Variants in ZFAND3 observed in about 807,000 individuals in gnomAD.
The protein encoded by ZFAND3 is AN1-type zinc finger protein 3.
In ZFAND3, 10 loss-of-function variants were observed where a neutral mutation model predicts 29.6. That is an observed-to-expected ratio of 0.34 (90% CI 0.21 to 0.57). The LOEUF (loss-of-function observed/expected upper bound fraction) is 0.57, where lower values mean the gene tolerates loss of function less well. ZFAND3 is among the 20% of genes least tolerant of loss of function. The probability of loss-of-function intolerance (pLI) is 0.86; values close to 1 mark genes in which losing one functional copy is unlikely to be tolerated. For missense variants in ZFAND3, 230 were observed against 304.5 expected (o/e 0.76, Z 1.82); for synonymous variants, 128 against 112.6 (o/e 1.14, Z -0.87).
At chr6:37,974,936 A>G (rs1762454819) in intron 2 of ZFAND3, among the ~76,000 whole-genome samples, 1 of 152,196 alleles carries the variant, frequency 6.6e-6, no homozygotes, top group African/African-American at 2.4e-5. Flanking sequence ...GATGTGTGCC[A>G]CTATGTCTGG....
At chr6:38,041,672 TCTTCTTCTTCTTCTCCTTCTC>T (rs1763770407) in intron 2 of ZFAND3, among the ~76,000 whole-genome samples, 2 of 22,312 alleles carry the variant, frequency 9.0e-5, no homozygotes, top group African/African-American at 1.7e-4. Context: ...TTCTTCTTCT[TCTTCTTCTTCTTCTCCTTCTC>T]CTTCTCCTCC....
At chr6:37,995,350 A>C (rs1379946507) in intron 2 of ZFAND3, among the ~76,000 whole-genome samples, 3 of 152,216 alleles carry the variant, frequency 2.0e-5, no homozygotes, top group African/African-American at 7.2e-5. Context: ...CTAAATTCTC[A>C]ACCTGAGTTG....
chr6:37,988,475 G>A (rs565019601), intron 2 of ZFAND3, among the ~76,000 whole-genome samples: 9 of 152,086 alleles, frequency 5.9e-5, no homozygotes, highest in South Asian at 2.1e-4. Flanking sequence ...TTTGTATCTC[G>A]CAATTCCTGA....
At chr6:37,830,844 T>A (rs1385619474) in intron 1 of ZFAND3, among the ~76,000 whole-genome samples, 4 of 152,232 alleles carry the variant, frequency 2.6e-5, no homozygotes, top group African/African-American at 7.2e-5. Context: ...CCTTCTTTTT[T>A]AAAAGATTTT....
intron 5 of ZFAND3, among the ~76,000 whole-genome samples, chr6:38,130,823 TC>T (rs1765728052): frequency 6.6e-6 from 1 of 152,230 alleles, no homozygotes; most frequent in East Asian, 1.9e-4. Flanking sequence ...GATACTGGCT[TC>T]ATAGAATGAT....
At chr6:37,985,098 G>A (rs1762643760) in intron 2 of ZFAND3, among the ~76,000 whole-genome samples, 2 of 152,166 alleles carry the variant, frequency 1.3e-5, no homozygotes, top group Non-Finnish European at 2.9e-5. Context: ...TAGGCAATGA[G>A]TGTTTATTGA....
chr6:37,856,480 C>T (rs1308982631), intron 1 of ZFAND3, among the ~76,000 whole-genome samples: 1 of 152,184 alleles, frequency 6.6e-6, no homozygotes, highest in Non-Finnish European at 1.5e-5. Context: ...TCAGATTACA[C>T]TCAAAATTCC....
chr6:38,007,661 G>T (rs1458182591), intron 2 of ZFAND3, among the ~76,000 whole-genome samples: 4 of 152,144 alleles, frequency 2.6e-5, no homozygotes, highest in Non-Finnish European at 5.9e-5. Context: ...TAAAACTATG[G>T]TATTAGCCTA....
intron 4 of ZFAND3, among the ~76,000 whole-genome samples, chr6:38,116,181 A>G (rs183910033): frequency 2.0e-3 from 309 of 152,372 alleles, no homozygotes; most frequent in African/African-American, 7.0e-3. Flanking sequence ...GAGGACAAGC[A>G]AATGCCCAAG....
intron 1 of ZFAND3, among the ~76,000 whole-genome samples, chr6:37,892,481 A>G (rs1051398213): frequency 2.6e-5 from 4 of 152,190 alleles, no homozygotes; most frequent in East Asian, 1.9e-4. Flanking sequence ...TTACAGAGAA[A>G]TTTACAGCTG....
chr6:38,008,759 G>A (rs1333097031), intron 2 of ZFAND3, among the ~76,000 whole-genome samples: 1 of 151,816 alleles, frequency 6.6e-6, no homozygotes, highest in Non-Finnish European at 1.5e-5. Flanking sequence ...GCCAGGTTAA[G>A]TTTAAGCTTC....
At chr6:37,929,211 A>G (rs973341133) in intron 1 of ZFAND3, among the ~76,000 whole-genome samples, 6 of 152,230 alleles carry the variant, frequency 3.9e-5, no homozygotes, top group African/African-American at 1.4e-4. Context: ...CTTGTAACCA[A>G]TTCTAAGGTA....
Position 37,819,830 on chromosome 6 carries a change from T to C in ZFAND3, c.-116T>C. Reference sequence around the variant, plus strand: ...CGCGCCCGCCCGCGCGCCCGCTCCTTCCCCCTCCCCCCGCCCCGAGCCCCC... The same window carrying C: ...CGCGCCCGCCCGCGCGCCCGCTCCTCCCCCCTCCCCCCGCCCCGAGCCCCC... On this transcript the variant is annotated 5_prime_UTR_variant, in exon 1 of 6. Transcript: ENST00000287218. 1.9e-6 allele frequency: 1 copy of C among 519,918 alleles called. No homozygotes were observed. The highest frequency in any genetic ancestry group is 2.6e-6 in the Non-Finnish European group (1 of 385,756). The allele number at this position is 519,918 out of a possible 1,614,324, so 32.2% of individuals were successfully genotyped here.
At chr6:38,052,570 CTG>C (rs1764046942) in intron 2 of ZFAND3, among the ~76,000 whole-genome samples, 1 of 152,092 alleles carries the variant, frequency 6.6e-6, no homozygotes, top group African/African-American at 2.4e-5. Context: ...CTGAGGCACA[CTG>C]TGAATAAGAC....
intron 1 of ZFAND3, among the ~76,000 whole-genome samples, chr6:37,920,052 C>CTT (rs11389241): frequency 0.055 from 5,157 of 93,188 alleles, 211 homozygotes; most frequent in African/African-American, 0.12. Flanking sequence ...TTTTTTGAAG[C>CTT]TTTTTTTTTT....
At chr6:38,080,443 C>G (rs1764639795) in intron 3 of ZFAND3, among the ~76,000 whole-genome samples, 2 of 151,942 alleles carry the variant, frequency 1.3e-5, no homozygotes, top group Admixed American at 1.3e-4. Context: ...GATTCTTGAT[C>G]CTTGGGAACA....
At chr6:38,094,047 G>C (rs1307254560) in intron 4 of ZFAND3, among the ~76,000 whole-genome samples, 1 of 152,196 alleles carries the variant, frequency 6.6e-6, no homozygotes, top group East Asian at 1.9e-4. Flanking sequence ...AGGACATACA[G>C]TCAGAGATTT....
intron 1 of ZFAND3, among the ~76,000 whole-genome samples, chr6:37,921,684 T>TG (rs1213414651): frequency 2.6e-5 from 4 of 151,588 alleles, no homozygotes; most frequent in Admixed American, 2.6e-4. Context: ...CCTTCAAAAT[T>TG]GAAAAAAAAA....
chr6:38,005,881 A>T (rs1482370386), intron 2 of ZFAND3, among the ~76,000 whole-genome samples: 1 of 152,230 alleles, frequency 6.6e-6, no homozygotes, highest in Non-Finnish European at 1.5e-5. Flanking sequence ...ATCAGCACAT[A>T]TATGGACATT....
Sources: allele counts gnomAD v4.1 joint callset (sites outside exome capture counted in the v4.1 genomes callset), GRCh38; gene constraint gnomAD v4.1.1; transcripts MANE v1.5; gene names NCBI Gene and HGNC (gene_info 2026-07-23, HGNC 2026-07-21).